NRXN3: variants seen among roughly 807,000 people sequenced by gnomAD.
NRXN3 encodes neurexin III.
Under a neutral mutation model 137.6 loss-of-function variants are expected in NRXN3, and 32 were observed. The ratio of observed to expected loss-of-function variants is 0.23; its 90% CI spans 0.18 to 0.31. The LOEUF (loss-of-function observed/expected upper bound fraction) is 0.31. Among genes scored for constraint, NRXN3 ranks in the 10% least tolerant of loss-of-function variants. The pLI is 1.00. For synonymous variants in NRXN3, 798 were observed against 784.5 expected, an observed-to-expected ratio of 1.02 and a Z score of -0.29; for missense variants, 1,574 against 2,062.5, an observed-to-expected ratio of 0.76 and a Z score of 4.59.
At chr14:78,362,409 A>G (rs1229222422) in intron 4 of NRXN3, among the ~76,000 whole-genome samples, 4 of 152,004 alleles carry the variant, frequency 2.6e-5, no homozygotes, top group African/African-American at 9.7e-5. Flanking sequence ...ATATTTGCCT[A>G]TTGCACTTTA....
intron 4 of NRXN3, among the ~76,000 whole-genome samples, chr14:78,411,194 A>T (rs906640197): frequency 5.3e-5 from 8 of 152,258 alleles, no homozygotes; most frequent in African/African-American, 1.9e-4. Context: ...CAAACTCAAC[A>T]ATTTGGAGGT....
chr14:79,693,074 G>A (rs1221580974), intron 18 of NRXN3, among the ~76,000 whole-genome samples: 2 of 151,910 alleles, frequency 1.3e-5, no homozygotes, highest in Admixed American at 6.6e-5. Context: ...AGAGGGCAGC[G>A]GTTATAACTG....
intron 10 of NRXN3, among the ~76,000 whole-genome samples, chr14:78,814,725 A>C (rs778873096): frequency 3.5e-4 from 54 of 152,166 alleles, no homozygotes; most frequent in Non-Finnish European, 7.4e-5. Flanking sequence ...GCAGTAACCT[A>C]AGAGGCACGC....
At position 78,284,535 on chromosome 14, in the gene NRXN3, C is replaced by T. The variant is rs555020671; in HGVS notation, c.727+5873C>T. 2.4e-4 allele frequency among the ~76,000 whole-genome samples: 36 copies of T among 152,258 alleles called. No individual in the cohort carries two copies. The Middle Eastern group carries it at 0.01, about 43-fold the overall frequency. Reference sequence around the variant, plus strand: ...TAAATTAACTGAGACCTCAGATTTTCGGGGTTCACATAAGTTATCCATTTG... The same window carrying T: ...TAAATTAACTGAGACCTCAGATTTTTGGGGTTCACATAAGTTATCCATTTG... On this transcript the variant is annotated intron_variant, in intron 3 of 20. Coordinates refer to ENST00000335750, the MANE Select transcript of NRXN3 (RefSeq NM_001330195.2).
intron 20 of NRXN3, among the ~76,000 whole-genome samples, chr14:79,826,446 G>A (rs1265118887): frequency 6.6e-6 from 1 of 152,172 alleles, no homozygotes; most frequent in Non-Finnish European, 1.5e-5. Flanking sequence ...ATGTGTGAGT[G>A]TACATGCACA....
At chr14:78,578,313 T>C (rs1262160724) in intron 4 of NRXN3, among the ~76,000 whole-genome samples, 2 of 152,114 alleles carry the variant, frequency 1.3e-5, no homozygotes, top group African/African-American at 4.8e-5. Context: ...GAGATCTAAA[T>C]TGGTAAGATT....
intron 4 of NRXN3, among the ~76,000 whole-genome samples, chr14:78,569,109 A>G (rs569964475): frequency 6.6e-6 from 1 of 150,992 alleles, no homozygotes; most frequent in East Asian, 1.9e-4. Flanking sequence ...CTGGGACTAC[A>G]GGCGCCAGCC....
rs1017942932 is a variant in NRXN3 at position 79,365,862 on chromosome 14, G to A, written c.3263-101359G>A. 2.7e-5 allele frequency among the ~76,000 whole-genome samples: 4 copies of A among 150,898 alleles called. No individual in the cohort carries two copies. In the South Asian group the frequency reaches 8.4e-4, roughly 32 times the overall value. ...TAAAGGTGCCTTCAAAATCTGATAC[G>A]TATAATGTATGTTAAAATTGATATT... On this transcript the variant is annotated intron_variant, in intron 15 of 20. Coordinates refer to ENST00000335750, the MANE Select transcript of NRXN3 (RefSeq NM_001330195.2).
chr14:78,930,629 C>T (rs552198137), intron 10 of NRXN3, among the ~76,000 whole-genome samples: 1 of 152,254 alleles, frequency 6.6e-6, no homozygotes, highest in South Asian at 2.1e-4. Context: ...TTTTTATATA[C>T]TTTTATCTGC....
At chr14:79,034,877 G>A (rs1329281422) in intron 15 of NRXN3, among the ~76,000 whole-genome samples, 2 of 152,064 alleles carry the variant, frequency 1.3e-5, no homozygotes, top group African/African-American at 4.8e-5. Flanking sequence ...AGGAATCATT[G>A]ATGTAAACTA....
At chr14:79,429,943 TA>T (rs375127666) in intron 15 of NRXN3, among the ~76,000 whole-genome samples, 1 of 152,106 alleles carries the variant, frequency 6.6e-6, no homozygotes, top group Non-Finnish European at 1.5e-5. Context: ...AGGTTGCCTA[TA>T]AGTTATTCAT....
chr14:78,765,546 T>C (rs183845949), intron 8 of NRXN3, among the ~76,000 whole-genome samples: 166 of 152,318 alleles, frequency 1.1e-3, no homozygotes, highest in Non-Finnish European at 2.0e-3. Flanking sequence ...TCCATATTTG[T>C]TCTTGAATGA....
chr14:78,693,517 C>T (rs2098193481), intron 6 of NRXN3, among the ~76,000 whole-genome samples: 1 of 151,808 alleles, frequency 6.6e-6, no homozygotes, highest in South Asian at 2.1e-4. Flanking sequence ...TCAATTTAAT[C>T]ATCTATTTTT....
At chr14:79,167,632 T>C (rs2061396144) in intron 15 of NRXN3, among the ~76,000 whole-genome samples, 1 of 151,566 alleles carries the variant, frequency 6.6e-6, no homozygotes, top group Non-Finnish European at 1.5e-5. Flanking sequence ...GTTTTGTTGT[T>C]ATTTTTTTTC....
chr14:78,971,996 T>C (rs1481344324), intron 14 of NRXN3, among the ~76,000 whole-genome samples: 4 of 152,196 alleles, frequency 2.6e-5, no homozygotes, highest in Non-Finnish European at 5.9e-5. Flanking sequence ...TAGTATTTGA[T>C]TTTATGTCTC....
chr14:79,258,832 T>C (rs2077137122), intron 15 of NRXN3, among the ~76,000 whole-genome samples: 1 of 152,152 alleles, frequency 6.6e-6, no homozygotes, highest in South Asian at 2.1e-4. Flanking sequence ...GAGAAACAGA[T>C]AGGCAGAGAA....
intron 10 of NRXN3, among the ~76,000 whole-genome samples, chr14:78,814,300 G>C (rs893230940): frequency 6.6e-6 from 1 of 152,116 alleles, no homozygotes; most frequent in African/African-American, 2.4e-5. Context: ...TGAACTACAG[G>C]GTGACCTGGA....
At chr14:78,235,052 G>GTATATATATATATATATA (rs2066088196) in intron 1 of NRXN3, among the ~76,000 whole-genome samples, 3 of 100,184 alleles carry the variant, frequency 3.0e-5, no homozygotes, top group Non-Finnish European at 4.7e-5. Context: ...GTGTGTGTGT[G>GTATATATATATATATATA]TGTGTCTTTT....
At chr14:79,734,587 G>C (rs900766586) in intron 19 of NRXN3, among the ~76,000 whole-genome samples, 4 of 151,996 alleles carry the variant, frequency 2.6e-5, no homozygotes, top group African/African-American at 9.7e-5. Flanking sequence ...TTATTTGGAA[G>C]TAGCAAATAC....
Sources: allele counts gnomAD v4.1 joint callset (sites outside exome capture counted in the v4.1 genomes callset), GRCh38; gene constraint gnomAD v4.1.1; transcripts MANE v1.5; gene names NCBI Gene and HGNC (gene_info 2026-07-23, HGNC 2026-07-21).